Variants in FYB2 observed in about 807,000 individuals in gnomAD.
The protein encoded by FYB2 is FYN binding protein 2.
A neutral mutation model predicts 94.1 loss-of-function variants in FYB2; 103 were observed. That is an observed-to-expected ratio of 1.09 (90% CI 0.93 to 1.29). FYB2 has a LOEUF of 1.29. FYB2 is among the 50% of genes most tolerant of loss of function. FYB2 has a pLI of 0.00. For missense variants in FYB2, 896 were observed against 841.5 expected, an observed-to-expected ratio of 1.06 and a Z score of -0.80; for synonymous variants, 293 against 287.9, an observed-to-expected ratio of 1.02 and a Z score of -0.18.
At chr1:56,739,913 A>C (rs1192159589) in intron 13 of FYB2, among the ~76,000 whole-genome samples, 1 of 152,074 alleles carries the variant, frequency 6.6e-6, no homozygotes, top group Non-Finnish European at 1.5e-5. Context: ...AGTTGCAATG[A>C]GTTTATTGAG....
chr1:56,799,430 G>A (rs1400356371), intron 1 of FYB2, among the ~76,000 whole-genome samples: 1 of 152,030 alleles, frequency 6.6e-6, no homozygotes, highest in Non-Finnish European at 1.5e-5. Context: ...ATCCCAGGAA[G>A]CCAATTTGCA....
intron 4 of FYB2, among the ~76,000 whole-genome samples, chr1:56,785,456 C>T (rs190096734): frequency 1.1e-4 from 16 of 152,272 alleles, no homozygotes; most frequent in African/African-American, 2.9e-4. Context: ...CACATAAATA[C>T]GCATAGAACA....
chr1:56,803,200 G>C (rs1267983471), intron 1 of FYB2, among the ~76,000 whole-genome samples: 1 of 152,168 alleles, frequency 6.6e-6, no homozygotes, highest in Non-Finnish European at 1.5e-5. Context: ...ACAGCATGCT[G>C]TGATCAAACA....
In FYB2 at chr1:56,751,203, C is replaced by T. The variant is rs758466472; in HGVS notation, c.1228G>A (p.Val410Ile). Residue 410 changes from valine (V) to isoleucine (I), a missense_variant and splice_region_variant, in exon 9 of 20, where the codon GTA becomes ATA. By Grantham distance (29) the Val-to-Ile change is conservative (BLOSUM62 3). Coordinates refer to ENST00000343433, the MANE Select transcript of FYB2 (RefSeq NM_001004303.5). Reference sequence around the variant, plus strand: ...TCAGGTGTCCCTTCACAGGCATCTACCTAAACATATGCAAAAGGGAGAATA... The same window carrying T: ...TCAGGTGTCCCTTCACAGGCATCTATCTAAACATATGCAAAAGGGAGAATA... ...KEPYSNHVFK[V>I]DACEGTPEKI... 2.5e-6 allele frequency: 4 copies of T among 1,612,106 alleles called. No homozygotes were observed. The highest frequency in any genetic ancestry group is 2.2e-5 in the East Asian group (1 of 44,786).
At chr1:56,809,247 T>C (rs966000263) in intron 1 of FYB2, among the ~76,000 whole-genome samples, 23 of 152,248 alleles carry the variant, frequency 1.5e-4, no homozygotes, top group Non-Finnish European at 1.8e-4. Context: ...ACTAGTTCAG[T>C]GCCAACTATG....
intron 5 of FYB2, among the ~76,000 whole-genome samples, chr1:56,761,588 A>G (rs1312875329): frequency 6.6e-6 from 1 of 152,222 alleles, no homozygotes; most frequent in African/African-American, 2.4e-5. Flanking sequence ...ACAATTCTGC[A>G]GAGCTTTTAG....
chr1:56,794,194 A>G (rs929166669), intron 1 of FYB2, among the ~76,000 whole-genome samples: 20 of 152,288 alleles, frequency 1.3e-4, no homozygotes, highest in African/African-American at 4.6e-4. Context: ...TGGGAGCCCA[A>G]TCTTTGCGGC....
At chr1:56,763,934 C>T (rs1421879546) in intron 5 of FYB2, among the ~76,000 whole-genome samples, 1 of 150,698 alleles carries the variant, frequency 6.6e-6, no homozygotes, top group Non-Finnish European at 1.5e-5. Flanking sequence ...TTTCTTGAAT[C>T]TGTTGTCATA....
chr1:56,786,524 A>G (rs1179452249), intron 4 of FYB2, among the ~76,000 whole-genome samples: 3 of 152,198 alleles, frequency 2.0e-5, no homozygotes, highest in Non-Finnish European at 4.4e-5. Context: ...GAACAGGAAC[A>G]TCTTTGTGTG....
chr1:56,802,987 C>A (rs1397375704), intron 1 of FYB2, among the ~76,000 whole-genome samples: 7 of 152,134 alleles, frequency 4.6e-5, no homozygotes, highest in Non-Finnish European at 8.8e-5. Flanking sequence ...ATTTCTTTCC[C>A]TGCACAAGAC....
At chr1:56,788,730 C>G (rs1646187659) in intron 3 of FYB2, 1 of 524,352 alleles carries the variant, frequency 1.9e-6, no homozygotes, top group Admixed American at 3.3e-5. Context: ...TCCTCTTGGA[C>G]AGATTCCCAG....
intron 4 of FYB2, among the ~76,000 whole-genome samples, chr1:56,778,867 C>G (rs552409300): frequency 3.7e-4 from 56 of 152,232 alleles, no homozygotes; most frequent in Non-Finnish European, 6.9e-4. Context: ...TGTTCATTTC[C>G]TGCCGCATTT....
In FYB2 at chr1:56,750,925, G is replaced by GTT. The variant is rs555005198; in HGVS notation, c.1387+117_1387+118dup. 844 of 1,226,914 alleles carry GTT rather than the reference G, an allele frequency of 6.9e-4. 6 individuals are homozygous for GTT. The African/African-American group carries it at 0.012, about 17-fold the overall frequency. The allele number at this position is 1,226,914 out of a possible 1,614,324, so 76.0% of individuals were successfully genotyped here. On this transcript the variant is annotated intron_variant, in intron 9 of 19. Coordinates refer to ENST00000343433, the MANE Select transcript of FYB2 (RefSeq NM_001004303.5). The stretch of plus-strand genomic sequence containing the variant: ...CTGCACAGCTTCCTCACTAGGGCAA[G>GTT]TTGCTTGGCACAAAATAGATGTTCA...
intron 15 of FYB2, among the ~76,000 whole-genome samples, chr1:56,736,380 T>C (rs561703123): frequency 6.7e-6 from 1 of 148,428 alleles, no homozygotes; most frequent in African/African-American, 2.5e-5. Flanking sequence ...AGGGAAAGTA[T>C]AAATAATAAG....
rs780506343 is a variant in FYB2 at position 56,792,077 on chromosome 1, C to A, written c.736G>T (p.Glu246Ter). The A allele has an allele frequency of 5.6e-6, 9 of 1,598,260 alleles. No homozygotes were observed. The highest frequency in any genetic ancestry group is 7.7e-6 in the Non-Finnish European group (9 of 1,174,156). The change falls in exon 2 of 20, where the codon GAG becomes TAG. Residue 246 changes from glutamate (E) to a stop codon, truncating the protein, a stop_gained. Coordinates refer to ENST00000343433, the MANE Select transcript of FYB2 (RefSeq NM_001004303.5). LOFTEE classifies it high-confidence loss of function. ...SSPCQPIYEC[E>*]LASQAPEKQP... ...TTACCTGGGGCCTGACTGGCAAGCTCACACTCATAGATGGGCTGGCAGGGG... is the reference window on the plus strand; with the variant it reads ...TTACCTGGGGCCTGACTGGCAAGCTAACACTCATAGATGGGCTGGCAGGGG...
chr1:56,751,994 A>T (rs550600275), intron 8 of FYB2, among the ~76,000 whole-genome samples: 5 of 152,076 alleles, frequency 3.3e-5, no homozygotes, highest in Admixed American at 2.0e-4. Flanking sequence ...TGTCAGTAGG[A>T]GATTGACAGA....
At chr1:56,744,988 C>T (rs562204508) in intron 9 of FYB2, among the ~76,000 whole-genome samples, 15 of 152,090 alleles carry the variant, frequency 9.9e-5, no homozygotes, top group African/African-American at 3.6e-4. Context: ...TAACTGGTAT[C>T]TATTAATTAA....
At chr1:56,723,848 T>TAC (rs5774299) in intron 16 of FYB2, among the ~76,000 whole-genome samples, 167 bp from the exon 17 acceptor site, 24,124 of 151,860 alleles carry the variant, frequency 0.16, 2,893 homozygotes, top group African/African-American at 0.33. Flanking sequence ...TGTGTATATG[T>TAC]ACACACACGT....
intron 9 of FYB2, among the ~76,000 whole-genome samples, chr1:56,749,518 AATT>A (rs1193147229): frequency 2.0e-5 from 3 of 151,948 alleles, no homozygotes; most frequent in African/African-American, 7.2e-5. Context: ...TCAATTTATC[AATT>A]ATTATTTTTT....
Sources: gnomAD v4.1 joint callset for allele counts (sites outside exome capture counted in the v4.1 genomes callset) on GRCh38, gnomAD v4.1.1 for gene constraint, MANE v1.5 for transcripts, NCBI Gene and HGNC (gene_info 2026-07-23, HGNC 2026-07-21) for gene names.